The following BLTP3B variants were observed in gnomAD, a reference collection of about 807,000 sequenced individuals.
BLTP3B encodes UHRF1 (ICBP90) binding protein 1-like.
chr12:100,058,580 A>T, the BLTP3B span: 1 of 1,612,966 alleles, frequency 6.2e-7, no homozygotes, highest in Non-Finnish European at 8.5e-7. Context: ...CATTTTCTGT[A>T]GGCAAATAAT....
the BLTP3B span, chr12:100,057,658 A>T: frequency 6.2e-7 from 1 of 1,613,108 alleles, no homozygotes; most frequent in South Asian, 1.1e-5. Flanking sequence ...ATGGTATCCA[A>T]TGACATTTGT....
At chr12:100,084,274 G>A in the BLTP3B span, among the ~76,000 whole-genome samples, 4 of 151,556 alleles carry the variant, frequency 2.6e-5, no homozygotes, top group East Asian at 1.9e-4. Flanking sequence ...TGGGAGGACC[G>A]CTTGAGGCCA....
chr12:100,057,074 T>C, the BLTP3B span, among the ~76,000 whole-genome samples: 4 of 152,236 alleles, frequency 2.6e-5, no homozygotes, highest in Non-Finnish European at 4.4e-5. Context: ...TATACTATCA[T>C]ATATGTGAAA....
chr12:100,082,117 T>C, the BLTP3B span, among the ~76,000 whole-genome samples: 1 of 152,066 alleles, frequency 6.6e-6, no homozygotes, highest in Non-Finnish European at 1.5e-5. Flanking sequence ...TGGGGTGAGA[T>C]GGTATTTCAC....
chr12:100,142,734 G>A, the BLTP3B span: 1 of 1,516,274 alleles, frequency 6.6e-7, no homozygotes, highest in Non-Finnish European at 8.9e-7. Flanking sequence ...GGCCGGCGGA[G>A]AGGCGCTGAT....
the BLTP3B span, among the ~76,000 whole-genome samples, chr12:100,137,905 C>T: frequency 6.6e-6 from 1 of 152,132 alleles, no homozygotes; most frequent in Non-Finnish European, 1.5e-5. Context: ...TGCTGTACAA[C>T]CCTTTGCCAT....
At chr12:100,083,775 T>C in the BLTP3B span, among the ~76,000 whole-genome samples, 1 of 152,098 alleles carries the variant, frequency 6.6e-6, no homozygotes, top group South Asian at 2.1e-4. Flanking sequence ...AAAGAAACCT[T>C]CTAGAAAAAT....
At chr12:100,061,540 C>T in the BLTP3B span, among the ~76,000 whole-genome samples, 12 of 151,868 alleles carry the variant, frequency 7.9e-5, no homozygotes, top group Admixed American at 4.6e-4. Flanking sequence ...GCCTGTAGTC[C>T]CAGCTACTGG....
chr12:100,057,216 G>A, the BLTP3B span, among the ~76,000 whole-genome samples: 5 of 152,160 alleles, frequency 3.3e-5, no homozygotes, highest in Non-Finnish European at 7.4e-5. Flanking sequence ...CTAAATGACT[G>A]CATACATATA....
chr12:100,058,464 A>G, the BLTP3B span: 1 of 1,613,382 alleles, frequency 6.2e-7, no homozygotes, highest in Non-Finnish European at 8.5e-7. Flanking sequence ...GATATGGCTA[A>G]GGTCAACACT....
At chr12:100,060,116 ATGTTT>A in the BLTP3B span, 1 of 1,170,494 alleles carries the variant, frequency 8.5e-7, no homozygotes, top group South Asian at 2.0e-5. Flanking sequence ...CAAAAAATAC[ATGTTT>A]AGTCAGTTTT....
chr12:100,069,019 C>G, the BLTP3B span, among the ~76,000 whole-genome samples: 1 of 152,194 alleles, frequency 6.6e-6, no homozygotes, highest in South Asian at 2.1e-4. Context: ...GGGCAGATCA[C>G]AAGGTCAGGA....
chr12:100,045,154 C>T, the BLTP3B span, among the ~76,000 whole-genome samples: 7 of 152,212 alleles, frequency 4.6e-5, no homozygotes, highest in South Asian at 2.1e-4. Flanking sequence ...GAATCAATAT[C>T]GTGAAAATGG....
the BLTP3B span, among the ~76,000 whole-genome samples, chr12:100,061,606 G>A: frequency 1.4e-5 from 2 of 145,372 alleles, no homozygotes; most frequent in East Asian, 2.0e-4. Flanking sequence ...GCAGTGAGCC[G>A]AGATCGCGCC....
chr12:100,052,678 G>T, the BLTP3B span, among the ~76,000 whole-genome samples: 1 of 151,540 alleles, frequency 6.6e-6, no homozygotes, highest in South Asian at 2.1e-4. Flanking sequence ...ACAGAGCATT[G>T]TCAGTAATGT....
chr12:100,114,325 T>C, the BLTP3B span, among the ~76,000 whole-genome samples: 2 of 152,180 alleles, frequency 1.3e-5, no homozygotes, highest in African/African-American at 2.4e-5. Flanking sequence ...ATAGACTACT[T>C]TGGGATCAAA....
the BLTP3B span, among the ~76,000 whole-genome samples, chr12:100,076,039 C>A: frequency 6.6e-6 from 1 of 151,742 alleles, no homozygotes; most frequent in Non-Finnish European, 1.5e-5. Context: ...ATAATCACAC[C>A]CTGAACCTCA....
chr12:100,135,638 T>C, the BLTP3B span, among the ~76,000 whole-genome samples: 1 of 152,190 alleles, frequency 6.6e-6, no homozygotes, highest in African/African-American at 2.4e-5. Context: ...CCCCAATTTA[T>C]TGTACTTCTC....
chr12:100,051,037 G>A, the BLTP3B span: 1 of 1,600,158 alleles, frequency 6.2e-7, no homozygotes, highest in African/African-American at 1.3e-5. Flanking sequence ...AATAAAGTTG[G>A]TGGCATTTAT....
Sources: gnomAD v4.1 joint callset for allele counts (sites outside exome capture counted in the v4.1 genomes callset) on GRCh38, gnomAD v4.1.1 for gene constraint, MANE v1.5 for transcripts, NCBI Gene and HGNC (gene_info 2026-07-23, HGNC 2026-07-21) for gene names.